LOC128462377: variants seen among roughly 807,000 people sequenced by gnomAD.
chr16:89,393,134 G>A, the LOC128462377 span, among the ~76,000 whole-genome samples: 1 of 152,028 alleles, frequency 6.6e-6, no homozygotes, highest in African/African-American at 2.4e-5. Context: ...TCTCACAGGA[G>A]CCTCTGGAAG....
chr16:89,365,581 G>A, the LOC128462377 span, among the ~76,000 whole-genome samples: 2 of 152,242 alleles, frequency 1.3e-5, no homozygotes, highest in Non-Finnish European at 2.9e-5. Context: ...TATGTCTTGT[G>A]TATGCCTTAA....
the LOC128462377 span, among the ~76,000 whole-genome samples, chr16:89,344,995 G>A: frequency 1.3e-5 from 2 of 152,220 alleles, no homozygotes; most frequent in East Asian, 3.8e-4. Context: ...GCACACAGCA[G>A]AAGCAGGCGC....
chr16:89,415,840 A>AAAAAAAAAAAAAAAAAAAAAAAAAG, the LOC128462377 span, among the ~76,000 whole-genome samples: 1 of 144,192 alleles, frequency 6.9e-6, no homozygotes, highest in African/African-American at 2.6e-5. Context: ...AAAAAAAAAA[A>AAAAAAAAAAAAAAAAAAAAAAAAAG]AAAAAAAAAA....
At chr16:89,333,604 C>T in the LOC128462377 span, among the ~76,000 whole-genome samples, 998 of 152,284 alleles carry the variant, frequency 6.6e-3, 42 homozygotes, top group Admixed American at 0.047. Flanking sequence ...ATGTCAGAGT[C>T]GGAACCCTAC....
At chr16:89,358,304 G>A in the LOC128462377 span, among the ~76,000 whole-genome samples, 1 of 152,210 alleles carries the variant, frequency 6.6e-6, no homozygotes, top group Non-Finnish European at 1.5e-5. Context: ...CCCTTCTGTT[G>A]GCCACATCAC....
chr16:89,363,314 T>G, the LOC128462377 span, among the ~76,000 whole-genome samples: 1 of 152,186 alleles, frequency 6.6e-6, no homozygotes, highest in East Asian at 1.9e-4. Context: ...ATTTGTTATT[T>G]ATGCTTAAAT....
chr16:89,327,951 C>G, the LOC128462377 span, among the ~76,000 whole-genome samples: 1 of 152,188 alleles, frequency 6.6e-6, no homozygotes, highest in Non-Finnish European at 1.5e-5. Flanking sequence ...AAAAGACAAA[C>G]TGCAGACAGG....
the LOC128462377 span, among the ~76,000 whole-genome samples, chr16:89,381,331 CAAAAAAAAAAA>C: frequency 1.3e-5 from 1 of 76,366 alleles, no homozygotes; most frequent in South Asian, 5.0e-4. Flanking sequence ...GACTCTGCTG[CAAAAAAAAAAA>C]AAAAAAAAAA....
chr16:89,377,688 C>T, the LOC128462377 span, among the ~76,000 whole-genome samples: 1 of 152,086 alleles, frequency 6.6e-6, no homozygotes. Flanking sequence ...CGACTCCCAC[C>T]CGCTTTTAAC....
At chr16:89,323,708 C>A in the LOC128462377 span, 1 of 290,142 alleles carries the variant, frequency 3.4e-6, no homozygotes, top group Non-Finnish European at 6.7e-6. Context: ...CTCCACACAC[C>A]CCTGCACGTT....
chr16:89,408,624 A>G, the LOC128462377 span, among the ~76,000 whole-genome samples: 3 of 152,120 alleles, frequency 2.0e-5, no homozygotes, highest in Non-Finnish European at 4.4e-5. Context: ...AAGACGTCCC[A>G]GCCGTGCCCA....
chr16:89,405,630 G>A, the LOC128462377 span, among the ~76,000 whole-genome samples: 5 of 151,678 alleles, frequency 3.3e-5, no homozygotes, highest in African/African-American at 7.3e-5. Context: ...CGCCATGCCC[G>A]GCTTTCTAGG....
the LOC128462377 span, among the ~76,000 whole-genome samples, chr16:89,402,256 C>A: frequency 7.2e-5 from 11 of 152,278 alleles, no homozygotes; most frequent in East Asian, 1.2e-3. Context: ...GGTGCCTACA[C>A]GTGACGTACG....
chr16:89,342,456 G>A, the LOC128462377 span, among the ~76,000 whole-genome samples: 6 of 152,214 alleles, frequency 3.9e-5, no homozygotes, highest in Admixed American at 2.6e-4. Flanking sequence ...CAAAGAACTC[G>A]CCCAACAGGA....
At chr16:89,390,280 G>C in the LOC128462377 span, among the ~76,000 whole-genome samples, 6 of 142,450 alleles carry the variant, frequency 4.2e-5, no homozygotes, top group African/African-American at 1.5e-4. Flanking sequence ...GGAGCACCGA[G>C]AGAGAAGATC....
At chr16:89,330,000 T>TAAAATAAAAC in the LOC128462377 span, among the ~76,000 whole-genome samples, 1 of 137,766 alleles carries the variant, frequency 7.3e-6, no homozygotes. Flanking sequence ...GTCTCAAAAA[T>TAAAATAAAAC]AAAATAAAAT....
At chr16:89,375,148 C>A in the LOC128462377 span, among the ~76,000 whole-genome samples, 1 of 152,086 alleles carries the variant, frequency 6.6e-6, no homozygotes, top group Non-Finnish European at 1.5e-5. Flanking sequence ...TACCACACTG[C>A]ACGCTGTAAT....
chr16:89,369,379 C>T, the LOC128462377 span, among the ~76,000 whole-genome samples: 1 of 152,320 alleles, frequency 6.6e-6, no homozygotes, highest in Admixed American at 6.5e-5. Context: ...GCATGACCCG[C>T]ATGACCCTGC....
At chr16:89,368,511 C>T in the LOC128462377 span, among the ~76,000 whole-genome samples, 2 of 150,982 alleles carry the variant, frequency 1.3e-5, no homozygotes, top group Admixed American at 6.6e-5. Context: ...TGAGCCACCG[C>T]GCCCAGCCCA....
Sources: allele counts gnomAD v4.1 joint callset (sites outside exome capture counted in the v4.1 genomes callset), GRCh38; gene constraint gnomAD v4.1.1; transcripts MANE v1.5.